Variants in MED12L observed in about 807,000 individuals in gnomAD.
MED12L encodes mediator of RNA polymerase II transcription subunit 12-like protein.
A neutral mutation model predicts 281.3 loss-of-function variants in MED12L; 60 were observed. The observed-to-expected ratio is 0.21, with a 90% CI of 0.17 to 0.26. The LOEUF (loss-of-function observed/expected upper bound fraction) is 0.26. Ranked by LOEUF, MED12L falls within the 10% of genes least tolerant of loss-of-function variation. MED12L has a pLI of 1.00. For missense variants in MED12L, 2,146 were observed against 2,680.9 expected (o/e 0.80, Z 4.41); for synonymous variants, 974 against 987.2 (o/e 0.99, Z 0.25).
chr3:151,360,694 GA>G, intron 21 of MED12L, 89 bp downstream of exon 21: 1 of 1,237,406 alleles, frequency 8.1e-7, no homozygotes, highest in Middle Eastern at 2.0e-4. Flanking sequence ...TTTGAATAAT[GA>G]AAGCTAATTG....
chr3:151,259,967 A>G (rs1306068176), intron 16 of MED12L, among the ~76,000 whole-genome samples: 1 of 152,118 alleles, frequency 6.6e-6, no homozygotes, highest in Non-Finnish European at 1.5e-5. Context: ...TGTGGTAAAT[A>G]TTTTCTTCAT....
intron 16 of MED12L, chr3:151,197,689 C>A (rs944181939): frequency 6.6e-6 from 1 of 152,634 alleles, no homozygotes; most frequent in African/African-American, 2.4e-5. Flanking sequence ...ACAACTCCCT[C>A]TGAAATGTTA....
chr3:151,363,426 G>A (rs554332147), intron 21 of MED12L, among the ~76,000 whole-genome samples: 10 of 152,104 alleles, frequency 6.6e-5, no homozygotes, highest in Non-Finnish European at 1.5e-4. Flanking sequence ...TCACACAGTT[G>A]TGTGAGAGGA....
At chr3:151,358,270 A>C (rs1038832465) in intron 20 of MED12L, among the ~76,000 whole-genome samples, 3 of 152,168 alleles carry the variant, frequency 2.0e-5, no homozygotes, top group African/African-American at 7.2e-5. Context: ...TCAGAATGTA[A>C]GAATATTTAC....
chr3:151,208,470 T>C (rs935120295), intron 16 of MED12L, among the ~76,000 whole-genome samples: 1 of 151,988 alleles, frequency 6.6e-6, no homozygotes, highest in Non-Finnish European at 1.5e-5. Context: ...TCACCGGAGG[T>C]CGGGAGTTCG....
At chr3:151,166,927 G>A (rs1220211197) in intron 11 of MED12L, among the ~76,000 whole-genome samples, 1 of 152,134 alleles carries the variant, frequency 6.6e-6, no homozygotes, top group African/African-American at 2.4e-5. Flanking sequence ...GCCTGCCTCA[G>A]CCTCCCAAAG....
chr3:151,355,313 T>G (rs1393571279), intron 18 of MED12L, 74 bp downstream of exon 18: 3 of 934,956 alleles, frequency 3.2e-6, no homozygotes, highest in East Asian at 2.4e-5. Context: ...ATGCAGTATA[T>G]TTTCTCAACC....
intron 27 of MED12L, among the ~76,000 whole-genome samples, chr3:151,375,752 T>C (rs1429156232): frequency 6.6e-6 from 1 of 152,146 alleles, no homozygotes; most frequent in Non-Finnish European, 1.5e-5. Context: ...GACCTTACTT[T>C]CCAGTTAAAA....
In MED12L at chr3:151,192,571, A is replaced by G; in HGVS notation, c.1990A>G (p.Met664Val). Reference sequence around the variant, plus strand: ...TCAGGAACAGAGTATTATGGCGCATATGGGCATTGACTCAGGAACCACTAA... The same window carrying G: ...TCAGGAACAGAGTATTATGGCGCATGTGGGCATTGACTCAGGAACCACTAA... ...KMEEQSIMAH[M>V]GIDSGTTNIF... The change falls in exon 15 of 45, where the codon ATG becomes GTG. Residue 664 changes from methionine to valine, a missense_variant. Around this residue, in one of 9 missense-constraint regions of MED12L, gnomAD observed 722 missense variants for 861.2 expected, o/e 0.84. Coordinates refer to ENST00000687756, the MANE Select transcript of MED12L (RefSeq NM_001393769.1). 6.5e-7 allele frequency: 1 copy of G among 1,535,576 alleles called. No individual in the cohort carries two copies. The highest frequency in any genetic ancestry group is 8.7e-7 in the Non-Finnish European group (1 of 1,146,248).
At chr3:151,168,144 A>G (rs374359181) in intron 11 of MED12L, among the ~76,000 whole-genome samples, 7 of 152,332 alleles carry the variant, frequency 4.6e-5, no homozygotes, top group East Asian at 1.9e-4. Context: ...TTATGTTGCA[A>G]TCTTTCTGAA....
At chr3:151,351,037 TTACTC>T in intron 17 of MED12L, among the ~76,000 whole-genome samples, 1 of 152,216 alleles carries the variant, frequency 6.6e-6, no homozygotes, top group East Asian at 1.9e-4. Flanking sequence ...AAGTTTGTGT[TTACTC>T]TATGTAAACA....
intron 11 of MED12L, among the ~76,000 whole-genome samples, chr3:151,184,459 C>A (rs548105633): frequency 6.6e-6 from 1 of 152,280 alleles, no homozygotes; most frequent in East Asian, 1.9e-4. Context: ...GTTTTTCTGG[C>A]ATCATGTTTA....
At chr3:151,170,796 C>T (rs1425904571) in intron 11 of MED12L, among the ~76,000 whole-genome samples, 1 of 152,110 alleles carries the variant, frequency 6.6e-6, no homozygotes, top group African/African-American at 2.4e-5. Context: ...GGGCTCATGT[C>T]CCACAGTGGC....
intron 5 of MED12L, 25 bp from the exon 6 acceptor site, chr3:151,156,136 A>C: frequency 6.4e-7 from 1 of 1,569,818 alleles, no homozygotes; most frequent in Non-Finnish European, 8.6e-7. Context: ...CTAGAAACTC[A>C]TATTTTTCTT....
intron 26 of MED12L, among the ~76,000 whole-genome samples, chr3:151,370,048 G>A (rs1755988170): frequency 6.6e-6 from 1 of 152,060 alleles, no homozygotes; most frequent in Admixed American, 6.5e-5. Context: ...GGCAATAGTT[G>A]CAATGATGTT....
chr3:151,397,608 G>A (rs144210229), intron 39 of MED12L, among the ~76,000 whole-genome samples: 127 of 152,288 alleles, frequency 8.3e-4, no homozygotes, highest in Admixed American at 1.8e-3. Flanking sequence ...GAATTATATG[G>A]AATGTAAGCA....
chr3:151,362,780 AGT>A (rs1754779276), intron 21 of MED12L, among the ~76,000 whole-genome samples: 2 of 152,350 alleles, frequency 1.3e-5, no homozygotes, highest in Middle Eastern at 3.4e-3. Context: ...GTATTAATAA[AGT>A]GTGAAAATAT....
chr3:151,295,398 C>T lies in MED12L; in HGVS notation c.2251-54661C>T, dbSNP rs569873644. 4 of 574,840 alleles carry T rather than the reference C, an allele frequency of 7.0e-6. No homozygotes were observed. The South Asian group carries it at 7.0e-5, about 10-fold the overall frequency. 35.6% of individuals were successfully genotyped at this position (574,840 alleles called of 1,614,324 possible). ...CCAAAGAATTAGTGACCTTCTCTCA[C>T]TACCCTGCCTCCCTCATATCAGGAC... On this transcript the variant is annotated intron_variant, in intron 16 of 44. Coordinates refer to ENST00000687756, the MANE Select transcript of MED12L (RefSeq NM_001393769.1).
chr3:151,411,256 C>T (rs2108356090), intron 40 of MED12L, 22 bp from the exon 41 acceptor site: 1 of 1,606,018 alleles, frequency 6.2e-7, no homozygotes, highest in African/African-American at 1.3e-5. Flanking sequence ...ACATTGACTT[C>T]TTCCCTTGTG....
Sources: gnomAD v4.1 joint callset for allele counts (sites outside exome capture counted in the v4.1 genomes callset) on GRCh38, gnomAD v4.1.1 for gene constraint, gnomAD v4.1.1 regional missense constraint, MANE v1.5 for transcripts, NCBI Gene and HGNC (gene_info 2026-07-23, HGNC 2026-07-21) for gene names.